Variants in VIPAS39 observed in about 807,000 individuals in gnomAD.
The protein encoded by VIPAS39 is spermatogenesis-defective protein 39 homolog.
VIPAS39 carries 63 observed loss-of-function variants against 84.7 expected under a neutral mutation model. That is an observed-to-expected ratio of 0.74 (90% confidence interval 0.61 to 0.92). The LOEUF (loss-of-function observed/expected upper bound fraction) is 0.92. Ranked by LOEUF, VIPAS39 falls within the 40% of genes least tolerant of loss-of-function variation. The probability of loss-of-function intolerance (pLI) is 0.00; values close to 1 mark genes in which losing one functional copy is unlikely to be tolerated. For missense variants in VIPAS39, 499 were observed against 604.5 expected (o/e 0.83, Z 1.83); for synonymous variants, 192 against 216.5 (o/e 0.89, Z 0.99).
At chr14:77,455,485 T>C (rs1243295968) in intron 1 of VIPAS39, among the ~76,000 whole-genome samples, 1 of 152,050 alleles carries the variant, frequency 6.6e-6, no homozygotes, top group African/African-American at 2.4e-5. Context: ...ACCCTCCCTA[T>C]CTCCAAATAA....
At chr14:77,433,613 G>A (rs2078558690) in intron 16 of VIPAS39, among the ~76,000 whole-genome samples, 1 of 152,034 alleles carries the variant, frequency 6.6e-6, no homozygotes, top group Admixed American at 6.6e-5. Context: ...AAGCATACAT[G>A]GCAAAATTGT....
intron 7 of VIPAS39, among the ~76,000 whole-genome samples, chr14:77,446,866 G>T (rs1016219368): frequency 6.6e-6 from 1 of 151,876 alleles, no homozygotes; most frequent in African/African-American, 2.4e-5. Flanking sequence ...AGCTGGAATG[G>T]AGTGGCACAA....
At chr14:77,454,722 C>G (rs907271868) in intron 1 of VIPAS39, among the ~76,000 whole-genome samples, 1 of 149,056 alleles carries the variant, frequency 6.7e-6, no homozygotes, top group Admixed American at 6.7e-5. Context: ...TACAACAGAG[C>G]TAGGGCATTC....
intron 16 of VIPAS39, among the ~76,000 whole-genome samples, chr14:77,430,946 T>C (rs1396107929): frequency 1.3e-5 from 2 of 152,142 alleles, no homozygotes; most frequent in Non-Finnish European, 2.9e-5. Flanking sequence ...GAAAGGATAG[T>C]CTCTTCAATG....
chr14:77,440,689 A>G (rs2078687782), intron 11 of VIPAS39, among the ~76,000 whole-genome samples: 1 of 152,178 alleles, frequency 6.6e-6, no homozygotes, highest in Admixed American at 6.5e-5. Context: ...TAGTTCAATC[A>G]GTCTGGGATC....
chr14:77,443,200 C>A, intron 8 of VIPAS39, 48 bp from the exon 9 acceptor site: 2 of 1,612,492 alleles, frequency 1.2e-6, no homozygotes, highest in South Asian at 2.2e-5. Context: ...AACACAGAGT[C>A]ATGCCCTGAG....
chr14:77,435,091 T>G, intron 14 of VIPAS39, 168 bp downstream of exon 14: 2 of 1,006,186 alleles, frequency 2.0e-6, no homozygotes, highest in Non-Finnish European at 3.0e-6. Flanking sequence ...TTTTCCCTCC[T>G]GGCCAGATGA....
intron 10 of VIPAS39, 80 bp from the exon 11 acceptor site, chr14:77,441,173 T>C: frequency 6.6e-7 from 1 of 1,514,254 alleles, no homozygotes; most frequent in South Asian, 1.1e-5. Flanking sequence ...GAGTGCCTCC[T>C]CTAGGAGAAA....
intron 11 of VIPAS39, among the ~76,000 whole-genome samples, chr14:77,438,400 T>C (rs1041733760): frequency 1.3e-5 from 2 of 152,160 alleles, no homozygotes; most frequent in Admixed American, 6.5e-5. Context: ...GGCTAATTTT[T>C]GTACTTTTAG....
chr14:77,443,060 C>T, intron 9 of VIPAS39, 59 bp downstream of exon 9: 10 of 1,607,382 alleles, frequency 6.2e-6, no homozygotes, highest in Non-Finnish European at 7.7e-6. Flanking sequence ...ACATGGCATT[C>T]TCCCCTCGAA....
Position 77,453,919 on chromosome 14 carries a change from A to G in VIPAS39, c.93+91T>C, listed in dbSNP as rs1232036992. The stretch of plus-strand genomic sequence containing the variant: ...TTTTCTGAGCCTAATGAAGACATAC[A>G]TGGTCAAAAGCCTAGTTACCCAGAA... On this transcript the variant is annotated intron_variant, in intron 2 of 19. Coordinates refer to ENST00000557658, the MANE Select transcript of VIPAS39 (RefSeq NM_001193315.2). The G allele has an allele frequency of 4.1e-6, 5 of 1,217,282 alleles. No individual in the cohort carries two copies. In the East Asian group the frequency reaches 7.0e-5, roughly 17 times the overall value. 75.4% of individuals were successfully genotyped at this position (1,217,282 alleles called of 1,614,324 possible).
intron 16 of VIPAS39, among the ~76,000 whole-genome samples, chr14:77,433,471 G>A (rs2078556163): frequency 6.6e-6 from 1 of 152,202 alleles, no homozygotes; most frequent in Admixed American, 6.5e-5. Context: ...AAAGTGCTGG[G>A]ATTATAGGCG....
At chr14:77,435,759 C>A (rs188584548) in intron 13 of VIPAS39, 85 bp downstream of exon 13, 1 of 1,423,484 alleles carries the variant, frequency 7.0e-7, no homozygotes, top group African/African-American at 1.4e-5. Context: ...AAATGACCCA[C>A]GTGCAGAGCA....
chr14:77,431,328 C>T (rs985841400), intron 16 of VIPAS39, among the ~76,000 whole-genome samples: 1 of 152,080 alleles, frequency 6.6e-6, no homozygotes, highest in African/African-American at 2.4e-5. Flanking sequence ...AATGCAATAG[C>T]AGAAACAAAA....
chr14:77,436,907 G>GA (rs1452669648), intron 12 of VIPAS39, among the ~76,000 whole-genome samples: 1 of 152,164 alleles, frequency 6.6e-6, no homozygotes, highest in Non-Finnish European at 1.5e-5. Flanking sequence ...ACTCCAGGAA[G>GA]AATTCTGAGT....
chr14:77,447,616 T>C (rs1436809823), intron 7 of VIPAS39, among the ~76,000 whole-genome samples: 3 of 152,140 alleles, frequency 2.0e-5, no homozygotes, highest in African/African-American at 4.8e-5. Flanking sequence ...TATGCAAAAA[T>C]GAACTCAATG....
At chr14:77,453,965 T>A (rs750508855) in intron 2 of VIPAS39, 45 bp downstream of exon 2, 65 of 1,589,424 alleles carry the variant, frequency 4.1e-5, no homozygotes, top group Middle Eastern at 1.7e-4. Context: ...AGGAATTTTA[T>A]AGTGGCACTG....
chr14:77,437,961 C>A, intron 11 of VIPAS39, 80 bp from the exon 12 acceptor site: 1 of 1,448,620 alleles, frequency 6.9e-7, no homozygotes. Flanking sequence ...ACTTCCCATG[C>A]TTTAAAAAAA....
At chr14:77,450,348 C>T (rs1229240356) in intron 4 of VIPAS39, among the ~76,000 whole-genome samples, 1 of 152,182 alleles carries the variant, frequency 6.6e-6, no homozygotes, top group East Asian at 1.9e-4. Context: ...GTATATGGCA[C>T]ATTTTGTTTA....
Sources: allele counts gnomAD v4.1 joint callset (sites outside exome capture counted in the v4.1 genomes callset), GRCh38; gene constraint gnomAD v4.1.1; transcripts MANE v1.5; gene names NCBI Gene and HGNC (gene_info 2026-07-23, HGNC 2026-07-21).